Variants in NCOA7 observed in about 807,000 individuals in gnomAD.
NCOA7 encodes 140 kDa estrogen receptor-associated protein.
A neutral mutation model predicts 104.3 loss-of-function variants in NCOA7; 45 were observed. The observed-to-expected ratio is 0.43, with a 90% confidence interval of 0.34 to 0.55. NCOA7 has a LOEUF of 0.55. Ranked by LOEUF, NCOA7 falls within the 20% of genes least tolerant of loss-of-function variation. The probability of loss-of-function intolerance (pLI) is 0.02; values close to 1 mark genes in which losing one functional copy is unlikely to be tolerated. For missense variants in NCOA7, 1,041 were observed against 1,119.7 expected, an observed-to-expected ratio of 0.93 and a Z score of 1.00; for synonymous variants, 398 against 402.3, an observed-to-expected ratio of 0.99 and a Z score of 0.13.
chr6:125,823,076 C>T (rs1017646399), intron 2 of NCOA7, among the ~76,000 whole-genome samples: 5 of 152,106 alleles, frequency 3.3e-5, no homozygotes, highest in African/African-American at 1.2e-4. Flanking sequence ...TTTCAAAGCG[C>T]CATCCACCTG....
upstream of NCOA7, among the ~76,000 whole-genome samples, chr6:125,788,947 T>C (rs574440302): frequency 1.3e-5 from 2 of 152,216 alleles, no homozygotes; most frequent in South Asian, 2.1e-4. Flanking sequence ...TTACAAAACA[T>C]GGAGTCCATA....
chr6:125,861,288 T>C (rs1554271442), intron 3 of NCOA7, among the ~76,000 whole-genome samples: 19 of 152,218 alleles, frequency 1.2e-4, no homozygotes, highest in Non-Finnish European at 2.8e-4. Context: ...TTTTTCTTAA[T>C]GTTTTTTTTC....
intron 10 of NCOA7, 97 bp downstream of exon 10, chr6:125,890,907 A>G: frequency 8.6e-7 from 1 of 1,164,430 alleles, no homozygotes; most frequent in Non-Finnish European, 1.2e-6. Context: ...ATTCTTGAAT[A>G]AGAGCTTTAT....
chr6:125,854,315 C>T (rs1301490396), intron 2 of NCOA7, among the ~76,000 whole-genome samples: 3 of 152,170 alleles, frequency 2.0e-5, no homozygotes, highest in Admixed American at 6.5e-5. Context: ...TATTGGCTTT[C>T]AGTGAATTAT....
At chr6:125,813,081 A>G (rs1777202492) in intron 1 of NCOA7, among the ~76,000 whole-genome samples, 2 of 152,200 alleles carry the variant, frequency 1.3e-5, no homozygotes, top group Non-Finnish European at 2.9e-5. Flanking sequence ...CCGTCTGATT[A>G]TGCTACACTC....
chr6:125,848,463 T>C (rs1345249443), intron 2 of NCOA7, among the ~76,000 whole-genome samples: 1 of 152,140 alleles, frequency 6.6e-6, no homozygotes, highest in Non-Finnish European at 1.5e-5. Flanking sequence ...TGGAATACCA[T>C]GCAGCCATAA....
In NCOA7 at chr6:125,928,166, T is replaced by G. The variant is rs769691127; in HGVS notation, c.2620-8T>G. 6.2e-7 allele frequency: 1 copy of G among 1,607,352 alleles called. No homozygotes were observed. The highest frequency in any genetic ancestry group is 2.2e-5 in the East Asian group (1 of 44,862). ...TGTCTGTTTTCTTTTTTGTGTTTCT[T>G]CCCCAAGGTCTTTAAGTGGAGTGGA... is the stretch of plus-strand genomic sequence containing the variant. On this transcript the variant is annotated splice_region_variant and splice_polypyrimidine_tract_variant and intron_variant, in intron 14 of 15. Transcript: ENST00000392477.
chr6:125,919,487 T>C, intron 11 of NCOA7: 2 of 1,513,788 alleles, frequency 1.3e-6, no homozygotes, highest in African/African-American at 2.7e-5. Flanking sequence ...CTCAGTGATG[T>C]ACCTCCGAGT....
intron 2 of NCOA7, among the ~76,000 whole-genome samples, chr6:125,840,367 A>G (rs1780012325): frequency 6.7e-6 from 1 of 149,166 alleles, no homozygotes. Context: ...TGAATGAGGG[A>G]AAAAATTATA....
Position 125,931,484 on chromosome 6 carries a change from T to C in NCOA7, c.*2713T>C, listed in dbSNP as rs1354322145. ...GGCATCCTGACACCTAGCCCCTAGA[T>C]GTTGGGCTAGATGAAGACCCCAAGC... is the stretch of plus-strand genomic sequence containing the variant. On this transcript the variant is annotated 3_prime_UTR_variant, in exon 16 of 16. Transcript: ENST00000392477. 2 of 152,196 alleles carry C rather than the reference T, an allele frequency of 1.3e-5. No individual in the cohort carries two copies. The highest frequency in any genetic ancestry group is 4.8e-5 in the African/African-American group (2 of 41,448). The allele number at this position is 152,196 out of a possible 1,614,324, so 9.4% of individuals were successfully genotyped here. A position where few individuals can be genotyped will look rare whatever the true frequency, so the allele number is the denominator to read the frequency against.
At chr6:125,787,865 A>G (rs1299547325), upstream of NCOA7, among the ~76,000 whole-genome samples, 1 of 152,208 alleles carries the variant, frequency 6.6e-6, no homozygotes, top group East Asian at 1.9e-4. Context: ...TTTAAGAACC[A>G]CTTGGGATTA....
chr6:125,788,539 C>CTTT (rs1774574057), upstream of NCOA7, among the ~76,000 whole-genome samples: 1 of 142,272 alleles, frequency 7.0e-6, no homozygotes, highest in Non-Finnish European at 1.5e-5. Context: ...CTTTGGAAGA[C>CTTT]CTTTTTTTTT....
chr6:125,854,152 A>T (rs1256513229), intron 2 of NCOA7, among the ~76,000 whole-genome samples: 1 of 152,248 alleles, frequency 6.6e-6, no homozygotes, highest in African/African-American at 2.4e-5. Flanking sequence ...ATACATATTT[A>T]TATATGAGTA....
chr6:125,787,125 GAAA>G (rs78334930), upstream of NCOA7, among the ~76,000 whole-genome samples: 1 of 118,796 alleles, frequency 8.4e-6, no homozygotes, highest in Non-Finnish European at 1.8e-5. Flanking sequence ...CTGTCTGGAA[GAAA>G]AAAAAAAAAA....
At chr6:125,781,993 G>C (rs1180088766) in intron 1 of NCOA7, among the ~76,000 whole-genome samples, 1 of 152,018 alleles carries the variant, frequency 6.6e-6, no homozygotes, top group African/African-American at 2.4e-5. Context: ...TGGCTATTAG[G>C]CACTAAAATG....
chr6:125,810,045 G>C (rs1325937037), intron 1 of NCOA7: 1 of 152,226 alleles, frequency 6.6e-6, no homozygotes, highest in Non-Finnish European at 1.5e-5. Flanking sequence ...GTACACTCCA[G>C]TGTCTTTCAA....
intron 10 of NCOA7, among the ~76,000 whole-genome samples, chr6:125,913,202 T>C (rs1477042627): frequency 1.3e-5 from 2 of 152,212 alleles, no homozygotes; most frequent in African/African-American, 4.8e-5. Flanking sequence ...TTGGCTCATG[T>C]GATTGTTAAG....
chr6:125,836,463 G>T (rs1304652226), intron 2 of NCOA7, among the ~76,000 whole-genome samples: 1 of 152,150 alleles, frequency 6.6e-6, no homozygotes, highest in Non-Finnish European at 1.5e-5. Context: ...AACTGTAGCT[G>T]ATATACTCCC....
At chr6:125,842,076 A>G (rs1050518796) in intron 2 of NCOA7, among the ~76,000 whole-genome samples, 31 of 152,202 alleles carry the variant, frequency 2.0e-4, no homozygotes, top group African/African-American at 7.5e-4. Context: ...GTTAAGCTAG[A>G]ACATATTCTA....
Sources: gnomAD v4.1 joint callset for allele counts (sites outside exome capture counted in the v4.1 genomes callset) on GRCh38, gnomAD v4.1.1 for gene constraint, MANE v1.5 for transcripts, NCBI Gene and HGNC (gene_info 2026-07-23, HGNC 2026-07-21) for gene names.